Variants in SLIT2 observed in about 807,000 individuals in gnomAD.
SLIT2 encodes the protein slit guidance ligand 2, also known as slit homolog 2 protein.
SLIT2 carries 41 observed loss-of-function variants against 185.7 expected under a neutral mutation model. The ratio of observed to expected loss-of-function variants is 0.22; its 90% CI spans 0.17 to 0.29. The LOEUF (loss-of-function observed/expected upper bound fraction) is 0.29. Ranked by LOEUF, SLIT2 falls within the 10% of genes least tolerant of loss-of-function variation. The pLI, the probability that SLIT2 is intolerant of heterozygous loss-of-function variation, is 1.00. For synonymous variants in SLIT2, 693 were observed against 680.2 expected (o/e 1.02, Z -0.29); for missense variants, 1,571 against 1,909.0 (o/e 0.82, Z 3.30).
At chr4:20,353,772 G>T (rs1333517882) in intron 4 of SLIT2, among the ~76,000 whole-genome samples, 2 of 152,100 alleles carry the variant, frequency 1.3e-5, no homozygotes, top group Non-Finnish European at 2.9e-5. Context: ...ACTTTCTTTA[G>T]AAAAGAGGAT....
At chr4:20,309,168 A>G (rs547400084) in intron 4 of SLIT2, among the ~76,000 whole-genome samples, 1 of 152,270 alleles carries the variant, frequency 6.6e-6, no homozygotes, top group African/African-American at 2.4e-5. Flanking sequence ...GTTTGCCAAA[A>G]GTTATATTCT....
intron 4 of SLIT2, among the ~76,000 whole-genome samples, chr4:20,438,823 A>G (rs1729541576): frequency 6.6e-6 from 1 of 152,188 alleles, no homozygotes; most frequent in Non-Finnish European, 1.5e-5. Flanking sequence ...TCCCTATGCA[A>G]TGTGCTACCT....
intron 4 of SLIT2, among the ~76,000 whole-genome samples, chr4:20,280,922 T>G (rs1714701747): frequency 1.3e-5 from 2 of 149,466 alleles, no homozygotes; most frequent in African/African-American, 5.0e-5. Flanking sequence ...AACCTCCGCC[T>G]CCTGGGTTCA....
At chr4:20,515,839 G>A (rs141773787) in intron 11 of SLIT2, among the ~76,000 whole-genome samples, 5 of 151,838 alleles carry the variant, frequency 3.3e-5, no homozygotes, top group African/African-American at 9.7e-5. Context: ...TTTTTGAGAC[G>A]GAGTCTCGCA....
chr4:20,582,384 C>T (rs902339211), intron 29 of SLIT2, among the ~76,000 whole-genome samples: 2 of 152,182 alleles, frequency 1.3e-5, no homozygotes, highest in African/African-American at 4.8e-5. Context: ...GCATTCAGCA[C>T]AGAGGCAATT....
Position 20,539,491 on chromosome 4 carries a change from G to A in SLIT2, c.1883G>A (p.Gly628Glu). 6.2e-7 allele frequency: 1 copy of A among 1,613,366 alleles called. No homozygotes were observed. Among genetic ancestry groups the A allele is most frequent in the Middle Eastern group, 1.7e-4 (1 of 6,058 alleles). ...TGTGTGGGGAATGACAGTTTCATAG[G>A]ACTCAGTTCTGTGCGTTTGCTTTCT... ...ITCVGNDSFI[G>E]LSSVRLLSLY... The change falls in exon 19 of 37, where the codon GGA (glycine) becomes GAA (glutamate). Residue 628 changes from glycine (G) to glutamate (E), a missense_variant. Physicochemically the swap from Gly to Glu is moderately conservative, Grantham distance 98. Transcript: ENST00000504154.
In SLIT2 at chr4:20,372,380, A is replaced by T. The variant is rs186893640; in HGVS notation, c.396-95372A>T. Reference sequence around the variant, plus strand: ...TTTTTTTTTTACCTCCTTAAATTTTACAAAAAACTAAAGTGAGGAAAAGAA... The same window carrying T: ...TTTTTTTTTTACCTCCTTAAATTTTTCAAAAAACTAAAGTGAGGAAAAGAA... On this transcript the variant is annotated intron_variant, in intron 4 of 36. Coordinates refer to ENST00000504154, the MANE Select transcript of SLIT2 (RefSeq NM_004787.4). 5.2e-3 allele frequency among the ~76,000 whole-genome samples: 785 copies of T among 151,894 alleles called. 10 individuals carry two copies. The highest frequency in any genetic ancestry group is 0.018 in the African/African-American group (732 of 41,422).
intron 3 of SLIT2, among the ~76,000 whole-genome samples, chr4:20,267,577 C>G (rs1713166084): frequency 6.6e-6 from 1 of 151,822 alleles, no homozygotes; most frequent in Admixed American, 6.6e-5. Flanking sequence ...TTCATAGCCT[C>G]TGCTTGAATA....
chr4:20,424,415 T>A (rs1345612129), intron 4 of SLIT2, among the ~76,000 whole-genome samples: 1 of 152,114 alleles, frequency 6.6e-6, no homozygotes, highest in Non-Finnish European at 1.5e-5. Flanking sequence ...AAAAAGCCCA[T>A]GAGTTTTTCC....
chr4:20,413,170 A>AT (rs1727386808), intron 4 of SLIT2, among the ~76,000 whole-genome samples: 1 of 151,764 alleles, frequency 6.6e-6, no homozygotes, highest in Non-Finnish European at 1.5e-5. Context: ...CTCTGCTATG[A>AT]TTTTGTTTTC....
chr4:20,315,347 G>T (rs952253408), intron 4 of SLIT2, among the ~76,000 whole-genome samples: 1 of 152,070 alleles, frequency 6.6e-6, no homozygotes, highest in Admixed American at 6.5e-5. Flanking sequence ...AAAGTACACA[G>T]CATTAGGTAG....
rs899395059 is a variant in SLIT2, at chr4:20,254,019, C to G, written c.179+25C>G. 6.3e-7 allele frequency: 1 copy of G among 1,590,582 alleles called. No homozygotes were observed. The highest frequency in any genetic ancestry group is 2.2e-5 in the East Asian group (1 of 44,544). ...TGTGAGTATGCGCTCTTCGTCTTCC[C>G]CTCTCCCCATCCGGGCCGCGCACCC... On this transcript the variant is annotated intron_variant, in intron 1 of 36. Coordinates refer to ENST00000504154, the MANE Select transcript of SLIT2 (RefSeq NM_004787.4). This position sits in a 1 kb window ranked among gnomAD's most constrained non-coding sequence, Gnocchi z 5.1.
At chr4:20,570,282 T>A in intron 29 of SLIT2, among the ~76,000 whole-genome samples, 1 of 152,050 alleles carries the variant, frequency 6.6e-6, no homozygotes, top group Non-Finnish European at 1.5e-5. Flanking sequence ...GCTTAGTGGG[T>A]GGAATTTTAG....
At chr4:20,435,101 G>A (rs1729260152) in intron 4 of SLIT2, among the ~76,000 whole-genome samples, 2 of 152,144 alleles carry the variant, frequency 1.3e-5, no homozygotes, top group South Asian at 4.1e-4. Flanking sequence ...TCATAAAAAT[G>A]TTTGGCAACA....
chr4:20,388,115 C>T (rs748132204), intron 4 of SLIT2, among the ~76,000 whole-genome samples: 7 of 151,878 alleles, frequency 4.6e-5, no homozygotes, highest in African/African-American at 7.3e-5. Context: ...TATGAAAACC[C>T]GACATAGAAC....
intron 4 of SLIT2, among the ~76,000 whole-genome samples, chr4:20,450,204 T>A (rs1560433154): frequency 6.6e-6 from 1 of 152,202 alleles, no homozygotes; most frequent in Non-Finnish European, 1.5e-5. Context: ...ATCAAGCACA[T>A]TTCTGTCTCT....
At chr4:20,463,363 T>C (rs1713929129) in intron 4 of SLIT2, among the ~76,000 whole-genome samples, 1 of 150,316 alleles carries the variant, frequency 6.7e-6, no homozygotes, top group East Asian at 2.0e-4. Flanking sequence ...GACTGTTCCT[T>C]CTTTGATCTG....
intron 4 of SLIT2, among the ~76,000 whole-genome samples, chr4:20,295,602 G>T (rs1350145178): frequency 6.6e-6 from 1 of 152,118 alleles, no homozygotes; most frequent in African/African-American, 2.4e-5. Context: ...TCCAGTCCCT[G>T]CGTCATGCCC....
At chr4:20,354,724 T>C (rs1425336589) in intron 4 of SLIT2, among the ~76,000 whole-genome samples, 1 of 152,116 alleles carries the variant, frequency 6.6e-6, no homozygotes, top group East Asian at 1.9e-4. Flanking sequence ...AATGGTTAAA[T>C]GGTAGAGGAA....
Sources: gnomAD v4.1 joint callset for allele counts (sites outside exome capture counted in the v4.1 genomes callset) on GRCh38, gnomAD v4.1.1 for gene constraint, Gnocchi (gnomAD v3.1) non-coding constraint, MANE v1.5 for transcripts, NCBI Gene and HGNC (gene_info 2026-07-23, HGNC 2026-07-21) for gene names.